NEK6: variants seen among roughly 807,000 people sequenced by gnomAD.
NEK6 encodes the protein NIMA related kinase 6.
In NEK6, 27 loss-of-function variants were observed where a neutral mutation model predicts 43.5. The ratio of observed to expected loss-of-function variants is 0.62; its 90% CI spans 0.46 to 0.86. NEK6 has a LOEUF of 0.86. Among genes scored for constraint, NEK6 ranks in the 40% least tolerant of loss-of-function variants. The probability of loss-of-function intolerance (pLI) is 0.00; values close to 1 mark genes in which losing one functional copy is unlikely to be tolerated. For synonymous variants in NEK6, 167 were observed against 164.1 expected (o/e 1.02, Z -0.14); for missense variants, 318 against 414.4 (o/e 0.77, Z 2.02).
At chr9:124,264,474 A>G (rs1274930770) in intron 1 of NEK6, among the ~76,000 whole-genome samples, 1 of 152,188 alleles carries the variant, frequency 6.6e-6, no homozygotes. Flanking sequence ...TTAGGATTAG[A>G]ATTCTGCTAA....
chr9:124,297,326 G>T (rs1404924287), intron 1 of NEK6, among the ~76,000 whole-genome samples: 1 of 152,240 alleles, frequency 6.6e-6, no homozygotes, highest in East Asian at 1.9e-4. Flanking sequence ...CTTCCCATGT[G>T]CCAGGCTCTG....
chr9:124,348,217 C>T (rs1259825134), intron 9 of NEK6, among the ~76,000 whole-genome samples: 1 of 152,216 alleles, frequency 6.6e-6, no homozygotes, highest in African/African-American at 2.4e-5. Context: ...CCAGTGGTGG[C>T]CACTCTGCTC....
At chr9:124,264,147 C>A (rs546344469) in intron 1 of NEK6, among the ~76,000 whole-genome samples, 16 of 152,358 alleles carry the variant, frequency 1.1e-4, no homozygotes, top group Admixed American at 7.8e-4. Context: ...CCCCGCCCCC[C>A]AAAGCCATTT....
At chr9:124,314,940 G>A (rs888742125) in intron 4 of NEK6, among the ~76,000 whole-genome samples, 1 of 152,204 alleles carries the variant, frequency 6.6e-6, no homozygotes, top group African/African-American at 2.4e-5. Context: ...GATTACAGGC[G>A]GGAGCCACCG....
chr9:124,333,325 G>A (rs1445704646), intron 7 of NEK6, among the ~76,000 whole-genome samples: 1 of 152,188 alleles, frequency 6.6e-6, no homozygotes. Flanking sequence ...ATCTGCTCCT[G>A]TAGCTTCCCA....
intron 1 of NEK6, among the ~76,000 whole-genome samples, chr9:124,282,466 A>G (rs886523643): frequency 1.1e-4 from 17 of 152,352 alleles, no homozygotes; most frequent in African/African-American, 3.6e-4. Context: ...AGTTCCAGAT[A>G]GACAAGGGTT....
At chr9:124,263,424 C>T (rs1018969409) in intron 1 of NEK6, among the ~76,000 whole-genome samples, 3 of 152,214 alleles carry the variant, frequency 2.0e-5, no homozygotes, top group Admixed American at 6.5e-5. Flanking sequence ...CTCATGAGCA[C>T]GTCGCCCACT....
chr9:124,336,544 C>T (rs994530986), intron 7 of NEK6, among the ~76,000 whole-genome samples: 7 of 152,210 alleles, frequency 4.6e-5, no homozygotes, highest in African/African-American at 7.2e-5. Flanking sequence ...GTCCATTCTC[C>T]TCCCAGGGTC....
At chr9:124,258,212 G>C in intron 1 of NEK6, 127 bp downstream of exon 1, 1 of 977,354 alleles carries the variant, frequency 1.0e-6, no homozygotes, top group Non-Finnish European at 1.2e-6. Context: ...CTCCGCGGGG[G>C]AGAGCGGGAG....
intron 7 of NEK6, among the ~76,000 whole-genome samples, chr9:124,330,942 G>A (rs1261065934): frequency 1.3e-5 from 2 of 152,098 alleles, no homozygotes; most frequent in Non-Finnish European, 2.9e-5. Context: ...AGTTAAAGAC[G>A]GAGAAAAAAG....
In NEK6 at chr9:124,323,711, G is replaced by A. The variant is rs574030935; in HGVS notation, c.405+2142G>A. On this transcript the variant is annotated intron_variant, in intron 5 of 9. Coordinates refer to ENST00000320246, the MANE Select transcript of NEK6 (RefSeq NM_014397.6). The stretch of plus-strand genomic sequence containing the variant: ...GAACCTCAGTTTCCACCCTGTCCCC[G>A]GGAACCTCTTGGAGGGAGCATTGCA... Among the ~76,000 whole-genome samples the A allele has an allele frequency of 2.2e-4, 34 of 152,222 alleles. No homozygotes were observed. In the East Asian group the frequency reaches 3.3e-3, roughly 15 times the overall value.
intron 1 of NEK6, among the ~76,000 whole-genome samples, chr9:124,263,962 A>G (rs545547526): frequency 6.6e-6 from 1 of 152,296 alleles, no homozygotes; most frequent in Non-Finnish European, 1.5e-5. Flanking sequence ...GTTATGAAGC[A>G]AGGCAGATGT....
chr9:124,325,680 G>A (rs747248896), intron 5 of NEK6, among the ~76,000 whole-genome samples: 5 of 152,212 alleles, frequency 3.3e-5, no homozygotes, highest in Admixed American at 6.5e-5. Context: ...CAGTGTGGCC[G>A]GGGACCTTTA....
At chr9:124,264,248 C>A (rs921132570) in intron 1 of NEK6, among the ~76,000 whole-genome samples, 5 of 152,208 alleles carry the variant, frequency 3.3e-5, no homozygotes, top group Admixed American at 6.5e-5. Context: ...GCTTCTCTGC[C>A]AGCTCGTCAC....
intron 2 of NEK6, among the ~76,000 whole-genome samples, chr9:124,311,477 G>A (rs548506722): frequency 5.3e-5 from 8 of 152,196 alleles, no homozygotes; most frequent in Admixed American, 2.6e-4. Flanking sequence ...CACTGTTGGC[G>A]CCCCCTCCTG....
chr9:124,270,163 G>A (rs1831384094), intron 1 of NEK6, among the ~76,000 whole-genome samples: 1 of 152,078 alleles, frequency 6.6e-6, no homozygotes, highest in Admixed American at 6.5e-5. Flanking sequence ...GGTCCTGCCT[G>A]TTGCGTTACT....
chr9:124,278,229 G>A (rs1171643550), intron 1 of NEK6, among the ~76,000 whole-genome samples: 5 of 152,212 alleles, frequency 3.3e-5, no homozygotes, highest in African/African-American at 4.8e-5. Flanking sequence ...AGGCGAGACC[G>A]TCTGGGTTTG....
chr9:124,341,014 C>A (rs537676561), intron 8 of NEK6, among the ~76,000 whole-genome samples: 1 of 152,356 alleles, frequency 6.6e-6, no homozygotes, highest in Admixed American at 6.5e-5. Context: ...AAACTCTGAT[C>A]TGTTTGCAGG....
Position 124,352,546 on chromosome 9 carries a change from A to G in NEK6, c.*1599A>G, listed in dbSNP as rs1268816003. 6.6e-6 allele frequency: 1 copy of G among 152,192 alleles called. No individual in the cohort carries two copies. Among genetic ancestry groups the G allele is most frequent in the Non-Finnish European group, 1.5e-5 (1 of 68,032 alleles). The allele number at this position is 152,192 out of a possible 1,614,324, so 9.4% of individuals were successfully genotyped here. A position where few individuals can be genotyped will look rare whatever the true frequency, so the allele number is the denominator to read the frequency against. On this transcript the variant is annotated 3_prime_UTR_variant, in exon 10 of 10. Transcript: ENST00000320246. Reference sequence around the variant, plus strand: ...TGAAAAACACAACTTCCCAGGCCCCATTCAGTAATCCCAGGATTTCTTTAA... The same window carrying G: ...TGAAAAACACAACTTCCCAGGCCCCGTTCAGTAATCCCAGGATTTCTTTAA...
Sources: gnomAD v4.1 joint callset for allele counts (sites outside exome capture counted in the v4.1 genomes callset) on GRCh38, gnomAD v4.1.1 for gene constraint, MANE v1.5 for transcripts, NCBI Gene and HGNC (gene_info 2026-07-23, HGNC 2026-07-21) for gene names.